DNAJC12: variants seen among roughly 807,000 people sequenced by gnomAD.
DNAJC12 encodes DnaJ heat shock protein family (Hsp40) member C12, also known as dnaJ homolog subfamily C member 12.
DNAJC12 carries 25 observed loss-of-function variants against 28.5 expected under a neutral mutation model. That is an observed-to-expected ratio of 0.88 (90% confidence interval 0.64 to 1.22). The LOEUF (loss-of-function observed/expected upper bound fraction) is 1.22. Ranked by LOEUF, DNAJC12 falls within the 50% of genes most tolerant of loss-of-function variation. The pLI is 0.00. For missense variants in DNAJC12, 222 were observed against 231.7 expected (o/e 0.96, Z 0.27); for synonymous variants, 77 against 80.6 (o/e 0.95, Z 0.24).
Position 67,824,107 on chromosome 10 carries a change from G to C in DNAJC12, c.79-715C>G, listed in dbSNP as rs1363284683. Among the ~76,000 whole-genome samples the C allele has an allele frequency of 2.6e-5, 4 of 151,918 alleles. No homozygotes were observed. The South Asian group carries it at 8.3e-4, about 32-fold the overall frequency. On this transcript the variant is annotated intron_variant, in intron 1 of 4. Coordinates refer to ENST00000225171, the MANE Select transcript of DNAJC12 (RefSeq NM_021800.3). ...AAAAATTAGCCAGACATGGTGGCAG[G>C]CACCTGTAATCCCAGCTACTCAGGA... is the stretch of plus-strand genomic sequence containing the variant.
At chr10:67,835,406 G>C (rs1180603124) in intron 1 of DNAJC12, among the ~76,000 whole-genome samples, 6 of 152,016 alleles carry the variant, frequency 3.9e-5, no homozygotes. Flanking sequence ...AAAAAGAAGA[G>C]AAAAGCCAGG....
chr10:67,797,810 G>A (rs1363808678), intron 4 of DNAJC12, among the ~76,000 whole-genome samples: 2 of 152,150 alleles, frequency 1.3e-5, no homozygotes, highest in East Asian at 1.9e-4. Context: ...GGAGGCCAAG[G>A]CGGGCGGATC....
At chr10:67,799,507 ATTATGAG>A (rs1275083570) in intron 4 of DNAJC12, among the ~76,000 whole-genome samples, 2 of 152,348 alleles carry the variant, frequency 1.3e-5, no homozygotes, top group East Asian at 3.9e-4. Context: ...AAATGATAAA[ATTATGAG>A]TTATATGTTC....
At chr10:67,823,823 C>T (rs1842004134) in intron 1 of DNAJC12, among the ~76,000 whole-genome samples, 1 of 152,122 alleles carries the variant, frequency 6.6e-6, no homozygotes, top group Non-Finnish European at 1.5e-5. Flanking sequence ...TGACTTTTTC[C>T]TCTAAGAAAT....
intron 1 of DNAJC12, among the ~76,000 whole-genome samples, chr10:67,829,595 T>G (rs1318002649): frequency 6.6e-6 from 1 of 151,956 alleles, no homozygotes; most frequent in Non-Finnish European, 1.5e-5. Context: ...GAGCCGAGAT[T>G]GCGCCACTGT....
At chr10:67,819,686 GAAA>G (rs1564863184) in intron 2 of DNAJC12, among the ~76,000 whole-genome samples, 161 of 14,764 alleles carry the variant, frequency 0.011, 7 homozygotes, top group Middle Eastern at 0.091. Flanking sequence ...AAGAAAGAAA[GAAA>G]GAAAGAAAGG....
At chr10:67,836,381 AG>A (rs1842142868) in intron 1 of DNAJC12, among the ~76,000 whole-genome samples, 1 of 152,100 alleles carries the variant, frequency 6.6e-6, no homozygotes, top group Non-Finnish European at 1.5e-5. Flanking sequence ...AAAAAAAAAA[AG>A]GACTGACTAA....
intron 4 of DNAJC12, among the ~76,000 whole-genome samples, chr10:67,803,789 A>C (rs572869237): frequency 2.0e-5 from 3 of 152,360 alleles, no homozygotes; most frequent in African/African-American, 7.2e-5. Flanking sequence ...TTTGCTTAAA[A>C]CACTGTTTTT....
At chr10:67,836,196 C>CG (rs1044884511) in intron 1 of DNAJC12, among the ~76,000 whole-genome samples, 1 of 146,426 alleles carries the variant, frequency 6.8e-6, no homozygotes, top group African/African-American at 2.5e-5. Context: ...CGGGGCCTGT[C>CG]GGGGGGTGGG....
At chr10:67,809,262 G>A (rs1841835237) in intron 3 of DNAJC12, among the ~76,000 whole-genome samples, 1 of 152,018 alleles carries the variant, frequency 6.6e-6, no homozygotes, top group African/African-American at 2.4e-5. Flanking sequence ...TGGTGCTAGA[G>A]GGAGAGCCAT....
chr10:67,827,522 C>T (rs1031144830), intron 1 of DNAJC12: 4 of 151,906 alleles, frequency 2.6e-5, no homozygotes. Flanking sequence ...ACTCCGTCTC[C>T]ACTAAAATAC....
At chr10:67,806,753 A>G (rs1328666530) in intron 3 of DNAJC12, among the ~76,000 whole-genome samples, 2 of 150,380 alleles carry the variant, frequency 1.3e-5, no homozygotes, top group African/African-American at 4.9e-5. Context: ...TGAACCCAGG[A>G]GGTGGAGGTT....
At chr10:67,823,216 A>G (rs1018865528) in intron 2 of DNAJC12, 98 bp downstream of exon 2, 3 of 971,770 alleles carry the variant, frequency 3.1e-6, no homozygotes, top group Non-Finnish European at 4.9e-6. Flanking sequence ...TGAGCATAAT[A>G]GACAAGAGAA....
At chr10:67,823,831 A>G (rs1564864927) in intron 1 of DNAJC12, among the ~76,000 whole-genome samples, 1 of 152,210 alleles carries the variant, frequency 6.6e-6, no homozygotes, top group Non-Finnish European at 1.5e-5. Context: ...TCCTCTAAGA[A>G]ATAATAAAAT....
At chr10:67,830,770 A>G (rs1842085899) in intron 1 of DNAJC12, among the ~76,000 whole-genome samples, 1 of 152,152 alleles carries the variant, frequency 6.6e-6, no homozygotes, top group African/African-American at 2.4e-5. Context: ...CATTTTGCAG[A>G]TTAGGAAATC....
chr10:67,814,419 A>C lies in DNAJC12; in HGVS notation c.158-2756T>G, dbSNP rs888756854. 1.3e-4 allele frequency among the ~76,000 whole-genome samples: 20 copies of C among 152,308 alleles called. 1 individual carries two copies. Among genetic ancestry groups the C allele is most frequent in the Admixed American group, 1.2e-3 (19 of 15,298 alleles). ...AACCATAAAAAACTGGGAAAAAAAA[A>C]ACATAGGAATAAATCTTTGTGACCT... On this transcript the variant is annotated intron_variant, in intron 2 of 4. Transcript: ENST00000225171.
chr10:67,837,876 T>G, intron 1 of DNAJC12, 58 bp downstream of exon 1: 14 of 1,312,864 alleles, frequency 1.1e-5, no homozygotes, highest in African/African-American at 1.5e-5. Context: ...AATAAAAACT[T>G]GAAATACTAT....
chr10:67,831,755 C>A (rs755065890), intron 1 of DNAJC12, among the ~76,000 whole-genome samples: 11 of 152,186 alleles, frequency 7.2e-5, no homozygotes, highest in Non-Finnish European at 1.5e-4. Flanking sequence ...TCATGTCTCA[C>A]CTTTTTGTTT....
rs189149617 is a variant in DNAJC12 at position 67,800,338 on chromosome 10, G to A, written c.503-3128C>T. On this transcript the variant is annotated intron_variant, in intron 4 of 4. Coordinates refer to ENST00000225171, the MANE Select transcript of DNAJC12 (RefSeq NM_021800.3). ...CTATAAAAGGTACATTATCAAACAAGTTACTGCCATGGGTAACTGCAAATG... is the reference window on the plus strand; with the variant it reads ...CTATAAAAGGTACATTATCAAACAAATTACTGCCATGGGTAACTGCAAATG... 5.9e-5 allele frequency among the ~76,000 whole-genome samples: 9 copies of A among 151,994 alleles called. No individual in the cohort carries two copies. In the East Asian group the frequency reaches 1.7e-3, roughly 29 times the overall value.
Sources: allele counts gnomAD v4.1 joint callset (sites outside exome capture counted in the v4.1 genomes callset), GRCh38; gene constraint gnomAD v4.1.1; transcripts MANE v1.5; gene names NCBI Gene and HGNC (gene_info 2026-07-23, HGNC 2026-07-21).